GDPD5: variants seen among roughly 807,000 people sequenced by gnomAD.
GDPD5 encodes the protein glycerophosphodiester phosphodiesterase 2.
Under a neutral mutation model 75.1 loss-of-function variants are expected in GDPD5, and 48 were observed. The ratio of observed to expected loss-of-function variants is 0.64; its 90% CI spans 0.51 to 0.81. The LOEUF (loss-of-function observed/expected upper bound fraction) is 0.81. GDPD5 is among the 40% of genes least tolerant of loss of function. The probability of loss-of-function intolerance (pLI) is 0.00; values close to 1 mark genes in which losing one functional copy is unlikely to be tolerated. For missense variants in GDPD5, 706 were observed against 822.6 expected, an observed-to-expected ratio of 0.86 and a Z score of 1.73; for synonymous variants, 336 against 339.0, an observed-to-expected ratio of 0.99 and a Z score of 0.10.
chr11:75,440,065 A>C lies in GDPD5; in HGVS notation c.1474-104T>G, dbSNP rs1020705771. The stretch of plus-strand genomic sequence containing the variant: ...AAAGGACCCCACATGGCCACTGGGG[A>C]AGGGCAAGGGAGGACCCTGAGAGGG... On this transcript the variant is annotated intron_variant, in intron 14 of 16. Coordinates refer to ENST00000336898, the MANE Select transcript of GDPD5 (RefSeq NM_030792.8). 13 of 801,912 alleles carry C rather than the reference A, an allele frequency of 1.6e-5. No individual in the cohort carries two copies. In the Admixed American group the frequency reaches 3.3e-4, roughly 20 times the overall value. The allele number at this position is 801,912 out of a possible 1,614,324, so 49.7% of individuals were successfully genotyped here. A position where few individuals can be genotyped will look rare whatever the true frequency, so the allele number is the denominator to read the frequency against.
intron 1 of GDPD5, among the ~76,000 whole-genome samples, chr11:75,492,733 G>C (rs1196914356): frequency 6.6e-6 from 1 of 152,010 alleles, no homozygotes. Flanking sequence ...GTGAATATAG[G>C]GTTTTATTTT....
intron 3 of GDPD5, among the ~76,000 whole-genome samples, chr11:75,471,825 C>T (rs373797593): frequency 7.2e-4 from 110 of 152,302 alleles, no homozygotes; most frequent in African/African-American, 2.4e-3. Flanking sequence ...GACAGCATGG[C>T]TTTATTGCAG....
At chr11:75,442,286 C>A in intron 12 of GDPD5, 77 bp downstream of exon 12, 1 of 1,124,780 alleles carries the variant, frequency 8.9e-7, no homozygotes, top group Non-Finnish European at 1.3e-6. Flanking sequence ...CGGAGTGCAA[C>A]AGGGAAAGGC....
intron 2 of GDPD5, among the ~76,000 whole-genome samples, chr11:75,486,723 C>T (rs1487029285): frequency 6.6e-6 from 1 of 152,220 alleles, no homozygotes; most frequent in Non-Finnish European, 1.5e-5. Flanking sequence ...GCCCCTCCTC[C>T]AGGAAGCCCT....
At chr11:75,449,716 T>C in intron 7 of GDPD5, 106 bp from the exon 8 acceptor site, 1 of 1,309,962 alleles carries the variant, frequency 7.6e-7, no homozygotes, top group Non-Finnish European at 1.1e-6. Flanking sequence ...CCTGTCTCCA[T>C]CTGCCAACTG....
intron 1 of GDPD5, among the ~76,000 whole-genome samples, chr11:75,515,022 C>T (rs1950607032): frequency 6.6e-6 from 1 of 152,196 alleles, no homozygotes; most frequent in African/African-American, 2.4e-5. Context: ...AGAGGCAGAG[C>T]CAGGATTCCA....
intron 2 of GDPD5, among the ~76,000 whole-genome samples, chr11:75,487,396 G>A (rs1294184146): frequency 1.3e-5 from 2 of 152,166 alleles, no homozygotes; most frequent in African/African-American, 2.4e-5. Flanking sequence ...GGAGAGGCTC[G>A]GGGAGGAGGT....
chr11:75,493,074 G>C (rs1950138575), intron 1 of GDPD5, among the ~76,000 whole-genome samples: 1 of 152,046 alleles, frequency 6.6e-6, no homozygotes, highest in South Asian at 2.1e-4. Context: ...TGAGTGAAAC[G>C]AACGAGTAAA....
intron 6 of GDPD5, chr11:75,455,279 G>A (rs1482147055): frequency 8.8e-6 from 4 of 454,920 alleles, no homozygotes; most frequent in African/African-American, 8.0e-5. Flanking sequence ...AGCTGGTGCA[G>A]TTCTTTCAAA....
chr11:75,441,086 G>A, intron 14 of GDPD5, 77 bp downstream of exon 14: 1 of 1,448,452 alleles, frequency 6.9e-7, no homozygotes, highest in Non-Finnish European at 9.6e-7. Context: ...TCCAAGCACA[G>A]AGCTTGCCGA....
chr11:75,468,850 C>T (rs1042884299), intron 3 of GDPD5, among the ~76,000 whole-genome samples: 1 of 152,218 alleles, frequency 6.6e-6, no homozygotes, highest in Non-Finnish European at 1.5e-5. Context: ...GGCCCTTTTC[C>T]CACCGGCTGT....
rs559069639 is a variant in GDPD5 at position 75,525,045 on chromosome 11, T to C, written c.-145+165A>G. ...GGGCAGGGCGCGAACCCGCACACAA[T>C]GGGCGCTCAATAAGTACCCGTTTTC... On this transcript the variant is annotated intron_variant, in intron 1 of 16. Transcript: ENST00000336898. Among the ~76,000 whole-genome samples the C allele has an allele frequency of 2.6e-5, 4 of 152,118 alleles. No individual in the cohort carries two copies. The South Asian group carries it at 8.3e-4, about 32-fold the overall frequency.
At chr11:75,465,661 C>T (rs576156867) in intron 3 of GDPD5, among the ~76,000 whole-genome samples, 31 of 152,306 alleles carry the variant, frequency 2.0e-4, no homozygotes, top group Admixed American at 1.0e-3. Context: ...CCAGTTCCCA[C>T]AAAAAAGTAC....
At position 75,519,436 on chromosome 11, in the gene GDPD5, G is replaced by A. The variant is rs964583648; in HGVS notation, c.-145+5774C>T. Among the ~76,000 whole-genome samples the A allele has an allele frequency of 3.3e-5, 5 of 152,250 alleles. No homozygotes were observed. The East Asian group carries it at 7.7e-4, about 24-fold the overall frequency. Reference sequence around the variant, plus strand: ...AGGCTGTTCATTCATTCATTCCACGGAGCAGCTGCCCTTTGCCTGGGATTC... The same window carrying A: ...AGGCTGTTCATTCATTCATTCCACGAAGCAGCTGCCCTTTGCCTGGGATTC... On this transcript the variant is annotated intron_variant, in intron 1 of 16. Transcript: ENST00000336898.
intron 3 of GDPD5, among the ~76,000 whole-genome samples, chr11:75,467,604 A>G (rs1323651832): frequency 6.6e-6 from 1 of 152,032 alleles, no homozygotes; most frequent in Non-Finnish European, 1.5e-5. Context: ...GGTAGGCACC[A>G]GGAGGAGTGT....
At chr11:75,525,005 AGGCGG>A (rs1167365302) in intron 1 of GDPD5, among the ~76,000 whole-genome samples, 200 bp downstream of exon 1, 2 of 152,216 alleles carry the variant, frequency 1.3e-5, no homozygotes, top group African/African-American at 2.4e-5. Context: ...AGTGAGGCTT[AGGCGG>A]GGCGGGGCGG....
chr11:75,524,950 CT>C (rs1474260151), intron 1 of GDPD5, among the ~76,000 whole-genome samples: 2 of 152,266 alleles, frequency 1.3e-5, no homozygotes, highest in Non-Finnish European at 2.9e-5. Flanking sequence ...GTTTCTCCAT[CT>C]GCAAGCGCCG....
chr11:75,480,839 T>C (rs1949897891), intron 2 of GDPD5, among the ~76,000 whole-genome samples: 1 of 152,250 alleles, frequency 6.6e-6, no homozygotes, highest in African/African-American at 2.4e-5. Flanking sequence ...TTGTGACATA[T>C]GAAAATTATA....
rs747881918 is a variant in GDPD5 at position 75,443,177 on chromosome 11, T to C, written c.907A>G (p.Thr303Ala). ...CCAGCGTTGAGTCTCTGCAGGGTGG[T>C]CCAGTTAAGCATGGAGGCAGGCCTG... Reference protein sequence around the residue: ...ARRPASMLNWTTLQRLNAGQW... With the variant: ...ARRPASMLNWATLQRLNAGQW... Residue 303 changes from threonine to alanine, a missense_variant, in exon 11 of 17, where the codon ACC (threonine) becomes GCC (alanine). Transcript: ENST00000336898. The C allele has an allele frequency of 6.2e-7, 1 of 1,605,592 alleles. No homozygotes were observed. The highest frequency in any genetic ancestry group is 8.5e-7 in the Non-Finnish European group (1 of 1,176,310).
Sources: gnomAD v4.1 joint callset for allele counts (sites outside exome capture counted in the v4.1 genomes callset) on GRCh38, gnomAD v4.1.1 for gene constraint, MANE v1.5 for transcripts, NCBI Gene and HGNC (gene_info 2026-07-23, HGNC 2026-07-21) for gene names.